The following MCTP1 variants were observed in gnomAD, a reference collection of about 807,000 sequenced individuals.
MCTP1 encodes multiple C2 and transmembrane domain containing 1.
MCTP1 carries 69 observed loss-of-function variants against 120.6 expected under a neutral mutation model. The ratio of observed to expected loss-of-function variants is 0.57; its 90% confidence interval spans 0.47 to 0.70. The LOEUF is 0.70. Among genes scored for constraint, MCTP1 ranks in the 30% least tolerant of loss-of-function variants. The probability of loss-of-function intolerance (pLI) is 0.00; values close to 1 mark genes in which losing one functional copy is unlikely to be tolerated. For synonymous variants in MCTP1, 529 were observed against 493.1 expected, an observed-to-expected ratio of 1.07 and a Z score of -0.96; for missense variants, 1,203 against 1,248.8, an observed-to-expected ratio of 0.96 and a Z score of 0.55.
chr5:95,177,914 C>T (rs953204550), intron 1 of MCTP1, among the ~76,000 whole-genome samples: 45 of 152,192 alleles, frequency 3.0e-4, no homozygotes, highest in Non-Finnish European at 4.3e-4. Context: ...AAAGAGATTA[C>T]GATAAAGCAG....
At chr5:94,813,177 C>G (rs1382694559) in intron 17 of MCTP1, among the ~76,000 whole-genome samples, 1 of 152,096 alleles carries the variant, frequency 6.6e-6, no homozygotes, top group Non-Finnish European at 1.5e-5. Context: ...AGACATTTCA[C>G]CAAATAAAAC....
intron 1 of MCTP1, among the ~76,000 whole-genome samples, chr5:95,076,203 CCTCT>C (rs149869046): frequency 0.077 from 11,642 of 151,592 alleles, 1,492 homozygotes; most frequent in African/African-American, 0.27. Flanking sequence ...ATGAATGTGG[CCTCT>C]CTCTCTGTCT....
chr5:95,113,422 C>T (rs764347947), intron 1 of MCTP1, among the ~76,000 whole-genome samples: 4 of 152,142 alleles, frequency 2.6e-5, no homozygotes, highest in Non-Finnish European at 4.4e-5. Context: ...ACCCCTCCCC[C>T]ATCCCCAAGC....
At chr5:95,088,521 T>G in intron 1 of MCTP1, among the ~76,000 whole-genome samples, 1 of 152,204 alleles carries the variant, frequency 6.6e-6, no homozygotes. Flanking sequence ...CAGGTACTAC[T>G]CGGAGCAATT....
chr5:95,061,408 G>GTTTT (rs556663513), intron 1 of MCTP1, among the ~76,000 whole-genome samples: 2 of 33,486 alleles, frequency 6.0e-5, no homozygotes, highest in African/African-American at 2.0e-4. Context: ...CCCCTTAAGG[G>GTTTT]TTTTTTTTTT....
intron 10 of MCTP1, among the ~76,000 whole-genome samples, chr5:94,895,040 T>C (rs1351644499): frequency 1.3e-5 from 2 of 152,098 alleles, no homozygotes; most frequent in Admixed American, 1.3e-4. Context: ...TCCTGTAAGA[T>C]ACAAAAAAAT....
At chr5:95,158,802 G>T (rs1043244911) in intron 1 of MCTP1, among the ~76,000 whole-genome samples, 1 of 151,702 alleles carries the variant, frequency 6.6e-6, no homozygotes, top group Admixed American at 6.6e-5. Context: ...AGCCAGGCAT[G>T]GTGGTGCATG....
At chr5:94,709,727 A>AT (rs1247005088) in intron 21 of MCTP1, 2 of 152,090 alleles carry the variant, frequency 1.3e-5, no homozygotes, top group East Asian at 1.9e-4. Flanking sequence ...ATATCTTTGA[A>AT]TTATAGAAAT....
intron 1 of MCTP1, among the ~76,000 whole-genome samples, chr5:95,186,466 G>A (rs1421009213): frequency 6.6e-6 from 1 of 152,016 alleles, no homozygotes; most frequent in East Asian, 1.9e-4. Flanking sequence ...TTAAGAAAAT[G>A]TGCATGGGAT....
At chr5:95,259,959 G>A (rs1339460743) in intron 1 of MCTP1, among the ~76,000 whole-genome samples, 3 of 152,178 alleles carry the variant, frequency 2.0e-5, no homozygotes, top group Admixed American at 6.6e-5. Flanking sequence ...GCAGCCCAAG[G>A]AGGGGTTTGT....
intron 13 of MCTP1, among the ~76,000 whole-genome samples, chr5:94,872,278 C>T (rs78237422): frequency 0.013 from 1,943 of 152,076 alleles, 36 homozygotes; most frequent in African/African-American, 0.044. Flanking sequence ...CATTCAGTTA[C>T]GCATTCTGGA....
At chr5:95,198,057 C>T (rs1750589503) in intron 1 of MCTP1, among the ~76,000 whole-genome samples, 2 of 152,080 alleles carry the variant, frequency 1.3e-5, no homozygotes, top group South Asian at 4.2e-4. Context: ...TGATCCATGG[C>T]TCTTTGATTT....
At chr5:95,254,039 T>G (rs1757639405) in intron 1 of MCTP1, among the ~76,000 whole-genome samples, 1 of 152,182 alleles carries the variant, frequency 6.6e-6, no homozygotes, top group Admixed American at 6.6e-5. Context: ...TGTCAATATC[T>G]TAGTCTTCCA....
At chr5:94,941,608 C>T (rs1817739628) in intron 4 of MCTP1, among the ~76,000 whole-genome samples, 1 of 152,010 alleles carries the variant, frequency 6.6e-6, no homozygotes, top group Admixed American at 6.6e-5. Context: ...GGAATTCCTT[C>T]TCCTTAAAAC....
intron 1 of MCTP1, among the ~76,000 whole-genome samples, chr5:95,269,240 T>A (rs943672601): frequency 6.6e-6 from 1 of 152,172 alleles, no homozygotes; most frequent in Non-Finnish European, 1.5e-5. Flanking sequence ...GAAGACATTA[T>A]CTCACACCTT....
At position 94,706,699 on chromosome 5, in the gene MCTP1, T is replaced by G. The variant is rs1053354497; in HGVS notation, c.*797A>C. On this transcript the variant is annotated 3_prime_UTR_variant, in exon 23 of 23. Transcript: ENST00000515393. ...TAGTATTTTTGATAACTGTACTTAC[T>G]GGGTTGCTAATTTGCTAACTAACTG... The G allele has an allele frequency of 2.0e-5, 3 of 151,784 alleles. No homozygotes were observed. Among genetic ancestry groups the G allele is most frequent in the African/African-American group, 7.2e-5 (3 of 41,386 alleles). 9.4% of individuals were successfully genotyped at this position (151,784 alleles called of 1,614,324 possible).
chr5:95,260,352 T>C (rs1758360292), intron 1 of MCTP1, among the ~76,000 whole-genome samples: 1 of 152,070 alleles, frequency 6.6e-6, no homozygotes, highest in Non-Finnish European at 1.5e-5. Flanking sequence ...AAATAGACAA[T>C]TGCAAAAACA....
At chr5:94,967,219 G>A (rs1269264194) in intron 2 of MCTP1, among the ~76,000 whole-genome samples, 1 of 152,270 alleles carries the variant, frequency 6.6e-6, no homozygotes, top group South Asian at 2.1e-4. Flanking sequence ...CCTGAAGGTT[G>A]GGTAGAGATG....
rs1355933840 is a variant in MCTP1 at position 94,853,355 on chromosome 5, A to G, written c.2436+14978T>C. On this transcript the variant is annotated intron_variant, in intron 17 of 22. Coordinates refer to ENST00000515393, the MANE Select transcript of MCTP1 (RefSeq NM_024717.7). ...TGTGTTCCAGAGAATGGACAGTGGC[A>G]GGAATGTTAGTATGGCTTTGATTTT... is the stretch of plus-strand genomic sequence containing the variant. 3.3e-5 allele frequency among the ~76,000 whole-genome samples: 5 copies of G among 152,092 alleles called. No homozygotes were observed. In the East Asian group the frequency reaches 9.7e-4, roughly 30 times the overall value.
Sources: gnomAD v4.1 joint callset for allele counts (sites outside exome capture counted in the v4.1 genomes callset) on GRCh38, gnomAD v4.1.1 for gene constraint, MANE v1.5 for transcripts, NCBI Gene and HGNC (gene_info 2026-07-23, HGNC 2026-07-21) for gene names.